ARCN1: variants seen among roughly 807,000 people sequenced by gnomAD.
ARCN1 encodes the protein archain 1 coat protein complex I subunit delta.
Under a neutral mutation model 60.4 loss-of-function variants are expected in ARCN1, and 5 were observed. The ratio of observed to expected loss-of-function variants is 0.08; its 90% confidence interval spans 0.04 to 0.17. The LOEUF is 0.17. Among genes scored for constraint, ARCN1 ranks in the 10% least tolerant of loss-of-function variants. The pLI, the probability that ARCN1 is intolerant of heterozygous loss-of-function variation, is 1.00. For missense variants in ARCN1, 464 were observed against 626.5 expected (o/e 0.74, Z 2.77); for synonymous variants, 224 against 220.0 (o/e 1.02, Z -0.16).
At chr11:118,584,774 A>G (rs1555075234) in intron 5 of ARCN1, 130 bp downstream of exon 5, 1 of 888,236 alleles carries the variant, frequency 1.1e-6, no homozygotes, top group African/African-American at 1.8e-5. Context: ...AGATTTATTC[A>G]GAGCAGATTC....
chr11:118,584,051 G>C lies in ARCN1; in HGVS notation c.653+37G>C, dbSNP rs117095450. On this transcript the variant is annotated intron_variant, in intron 4 of 9. Transcript: ENST00000264028. Reference sequence around the variant, plus strand: ...TGTACTTTAGAATACCAGGTGAAGGGTGTATATGTGTCTATCTTTGAAGTC... The same window carrying C: ...TGTACTTTAGAATACCAGGTGAAGGCTGTATATGTGTCTATCTTTGAAGTC... The C allele has an allele frequency of 3.3e-4, 516 of 1,565,880 alleles. 4 individuals are homozygous for C. The East Asian group carries it at 0.011, about 34-fold the overall frequency.
At chr11:118,577,921 C>G (rs1395648344) in intron 1 of ARCN1, among the ~76,000 whole-genome samples, 2 of 152,036 alleles carry the variant, frequency 1.3e-5, no homozygotes, top group African/African-American at 4.8e-5. Flanking sequence ...CTTTGGAGGC[C>G]AAGGCGCGCA....
intron 5 of ARCN1, 129 bp downstream of exon 5, chr11:118,584,773 C>T: frequency 1.1e-6 from 1 of 894,014 alleles, no homozygotes; most frequent in Non-Finnish European, 1.6e-6. Flanking sequence ...AAGATTTATT[C>T]AGAGCAGATT....
Position 118,597,718 on chromosome 11 carries a change from G to C in ARCN1, c.1253G>C (p.Gly418Ala), listed in dbSNP as rs782282496. 1.2e-5 allele frequency: 19 copies of C among 1,613,930 alleles called. No homozygotes were observed. Among genetic ancestry groups the C allele is most frequent in the Non-Finnish European group, 1.6e-5 (19 of 1,180,032 alleles). The stretch of plus-strand genomic sequence containing the variant: ...GTTTCTCACAACAGGTCTGGTGTCG[G>C]CGCGCCTGTTATCGGTGAGATCGAT... ...VITIPLPSGVGAPVIGEIDGE... is the reference protein window; with the variant it reads ...VITIPLPSGVAAPVIGEIDGE... Residue 418 changes from glycine (G) to alanine (A), a missense_variant, in exon 9 of 10, where the codon GGC becomes GCC. By Grantham distance (60) the Gly-to-Ala change is moderately conservative (BLOSUM62 0). This residue lies in a region of ARCN1 where 359 missense variants were observed against 440.2 expected (regional missense o/e 0.82). Coordinates refer to ENST00000264028, the MANE Select transcript of ARCN1 (RefSeq NM_001655.5).
At chr11:118,581,967 C>CA (rs1591383666) in intron 2 of ARCN1, among the ~76,000 whole-genome samples, 2 of 150,464 alleles carry the variant, frequency 1.3e-5, no homozygotes, top group African/African-American at 2.4e-5. Flanking sequence ...CACACACACA[C>CA]CTTTTAAGAC....
Position 118,602,149 on chromosome 11 carries a change from T to G in ARCN1, c.*1435T>G, listed in dbSNP as rs1022957462. 10 of 193,818 alleles carry G rather than the reference T, an allele frequency of 5.2e-5. No individual in the cohort carries two copies. Among genetic ancestry groups the G allele is most frequent in the African/African-American group, 2.1e-4 (9 of 42,578 alleles). The allele number at this position is 193,818 out of a possible 1,614,324, so 12.0% of individuals were successfully genotyped here. A position where few individuals can be genotyped will look rare whatever the true frequency, so the allele number is the denominator to read the frequency against. On this transcript the variant is annotated 3_prime_UTR_variant, in exon 10 of 10. Transcript: ENST00000264028. ...TTTTGCATTTCAGGAGGCAACTGAT[T>G]GTTTCGATATGTACATATTACTCAC...
chr11:118,577,268 G>A (rs1259257475), intron 1 of ARCN1, among the ~76,000 whole-genome samples: 17 of 150,670 alleles, frequency 1.1e-4, no homozygotes, highest in Non-Finnish European at 2.1e-4. Flanking sequence ...TTTTTTTGAG[G>A]CAGAGTCTCA....
chr11:118,599,213 C>A (rs1304360603), intron 9 of ARCN1, among the ~76,000 whole-genome samples: 1 of 150,060 alleles, frequency 6.7e-6, no homozygotes, highest in East Asian at 1.9e-4. Context: ...CTGCCTCATC[C>A]TCCTGAGTAG....
At chr11:118,572,582 G>T in intron 1 of ARCN1, 32 bp downstream of exon 1, 1 of 1,600,942 alleles carries the variant, frequency 6.2e-7, no homozygotes, top group South Asian at 1.1e-5. Context: ...GAACTCCTGG[G>T]GTCCGAGCCT....
In ARCN1 at chr11:118,597,747, G is replaced by C; in HGVS notation, c.1282G>C (p.Glu428Gln). 1 of 1,614,210 alleles carries C rather than the reference G, an allele frequency of 6.2e-7. No homozygotes were observed. The highest frequency in any genetic ancestry group is 8.5e-7 in the Non-Finnish European group (1 of 1,180,044). Reference sequence around the variant, plus strand: ...GCCTGTTATCGGTGAGATCGATGGGGAGTATCGACATGACAGTCGACGAAA... The same window carrying C: ...GCCTGTTATCGGTGAGATCGATGGGCAGTATCGACATGACAGTCGACGAAA... ...GAPVIGEIDG[E>Q]YRHDSRRNTL... The change falls in exon 9 of 10, where the codon GAG (glutamate) becomes CAG (glutamine). Residue 428 changes from glutamate to glutamine, a missense_variant. Transcript: ENST00000264028.
chr11:118,588,513 C>T (rs782033585), intron 5 of ARCN1, among the ~76,000 whole-genome samples: 10 of 152,142 alleles, frequency 6.6e-5, no homozygotes, highest in African/African-American at 1.2e-4. Context: ...GGTCAACTGA[C>T]GAAATTGACA....
At chr11:118,580,966 C>T (rs578058557) in intron 1 of ARCN1, among the ~76,000 whole-genome samples, 1 of 152,110 alleles carries the variant, frequency 6.6e-6, no homozygotes, top group Non-Finnish European at 1.5e-5. Flanking sequence ...GATACTGTCT[C>T]TACTAAAAGC....
intron 2 of ARCN1, 151 bp from the exon 3 acceptor site, chr11:118,583,028 G>A (rs1445097586): frequency 1.7e-5 from 15 of 879,848 alleles, no homozygotes; most frequent in Admixed American, 1.1e-4. Context: ...GCAGCAGAGC[G>A]AGACTCTGTC....
chr11:118,578,209 AAAT>A (rs1938568919), intron 1 of ARCN1, among the ~76,000 whole-genome samples: 1 of 146,754 alleles, frequency 6.8e-6, no homozygotes, highest in African/African-American at 2.6e-5. Context: ...ATAAATAAAT[AAAT>A]AAAGTGGATA....
At chr11:118,581,600 G>A (rs577020755) in intron 2 of ARCN1, 91 bp downstream of exon 2, 15 of 1,403,952 alleles carry the variant, frequency 1.1e-5, no homozygotes, top group African/African-American at 1.4e-5. Context: ...ATGCTAACCA[G>A]TTTGCAGGTT....
intron 5 of ARCN1, among the ~76,000 whole-genome samples, chr11:118,587,075 G>T (rs1219633628): frequency 6.6e-6 from 1 of 152,084 alleles, no homozygotes; most frequent in Non-Finnish European, 1.5e-5. Flanking sequence ...AACATGGTAG[G>T]ATAACAAAAT....
At chr11:118,573,761 T>G in intron 1 of ARCN1, 1 of 646,810 alleles carries the variant, frequency 1.5e-6, no homozygotes, top group Non-Finnish European at 2.8e-6. Flanking sequence ...TTTAGGCCAC[T>G]GAACAGCTTT....
Position 118,583,871 on chromosome 11 carries a change from A to C in ARCN1, c.510A>C (p.Arg170=). Residue 170 remains arginine (R), a synonymous_variant, in exon 4 of 10, where the codon CGA becomes CGC. Transcript: ENST00000264028. ...AAGCAAAGGAATTACAACAGGCCCG[A>C]AGAGATGCAGAGAGACAGGGCAAAA... is the stretch of plus-strand genomic sequence containing the variant. The part of the protein sequence containing the change: ...RRKAKELQQA[R]RDAERQGKKA... 1 of 1,614,230 alleles carries C rather than the reference A, an allele frequency of 6.2e-7. No homozygotes were observed. The highest frequency in any genetic ancestry group is 1.1e-5 in the South Asian group (1 of 91,088).
intron 8 of ARCN1, among the ~76,000 whole-genome samples, chr11:118,594,257 G>A (rs539824804): frequency 1.6e-4 from 24 of 151,946 alleles, no homozygotes; most frequent in Non-Finnish European, 3.2e-4. Flanking sequence ...ACACCACCAC[G>A]CTTGGCTAAT....
Sources: gnomAD v4.1 joint callset for allele counts (sites outside exome capture counted in the v4.1 genomes callset) on GRCh38, gnomAD v4.1.1 for gene constraint, gnomAD v4.1.1 regional missense constraint, MANE v1.5 for transcripts, NCBI Gene and HGNC (gene_info 2026-07-23, HGNC 2026-07-21) for gene names.